Variants in NBPF8 observed in about 807,000 individuals in gnomAD.
The protein encoded by NBPF8 is NBPF family member NBPF8.
chr1:120,433,000 C>G (rs1423842949), upstream of NBPF8: 2 of 152,146 alleles, frequency 1.3e-5, no homozygotes, highest in African/African-American at 2.4e-5. Flanking sequence ...CAGCCAGAAT[C>G]ATTACATGCT....
At chr1:120,469,580 G>C (rs1275417062), downstream of NBPF8, among the ~76,000 whole-genome samples, 188 of 152,108 alleles carry the variant, frequency 1.2e-3, 4 homozygotes, top group African/African-American at 4.3e-3. Context: ...TGTTCTCTTA[G>C]TACTGTTGAG....
At chr1:120,467,700 G>A (rs1196511512) in exon 25 of NBPF8, 2 of 151,348 alleles carry the variant, frequency 1.3e-5, no homozygotes, top group Non-Finnish European at 2.9e-5. Context: ...TTTGTCCAAA[G>A]TTAATTTTAA....
At chr1:120,425,449 G>C (rs1660696499) in intron 1 of NBPF8, among the ~76,000 whole-genome samples, 4 of 151,998 alleles carry the variant, frequency 2.6e-5, no homozygotes, top group Admixed American at 2.0e-4. Context: ...ATGATGCAGA[G>C]ACATTTGTTA....
At chr1:120,415,272 C>T (rs1347002913), upstream of NBPF8, among the ~76,000 whole-genome samples, 4 of 152,012 alleles carry the variant, frequency 2.6e-5, no homozygotes, top group African/African-American at 7.3e-5. Context: ...CCAGCGTTTC[C>T]GAGGTGAAGG....
chr1:120,468,652 A>G (rs1661816959), downstream of NBPF8, among the ~76,000 whole-genome samples: 1 of 144,896 alleles, frequency 6.9e-6, no homozygotes, highest in Non-Finnish European at 1.5e-5. Flanking sequence ...ATCTCCCAGT[A>G]ATTCTGCATT....
At chr1:120,451,789 A>ATT (rs1661281180) in intron 12 of NBPF8, among the ~76,000 whole-genome samples, 2 of 148,054 alleles carry the variant, frequency 1.4e-5, no homozygotes, top group Non-Finnish European at 3.0e-5. Context: ...CACTATGTGT[A>ATT]TTTTCACATG....
rs1177136195 is a variant in NBPF8, at chr1:120,465,877, T to C, written n.3569-101T>C. 5.6e-6 allele frequency: 9 copies of C among 1,610,830 alleles called. No individual in the cohort carries two copies. The African/African-American group carries it at 9.4e-5, about 17-fold the overall frequency. On this transcript the variant is annotated intron_variant and non_coding_transcript_variant, in intron 24 of 24. Transcript: ENST00000583271. ...TACCTCATTAATGGATCTGTCCTTT[T>C]TCTTTTCTAACCACTTCCTTATGTT...
intron 1 of NBPF8, among the ~76,000 whole-genome samples, chr1:120,425,603 C>G (rs1166161652): frequency 3.3e-5 from 5 of 152,264 alleles, no homozygotes; most frequent in Admixed American, 2.6e-4. Flanking sequence ...TGCTGAACGC[C>G]GGTCCCCTGG....
upstream of NBPF8, among the ~76,000 whole-genome samples, chr1:120,434,448 G>T (rs1311559293): frequency 7.0e-6 from 1 of 143,778 alleles, no homozygotes; most frequent in Non-Finnish European, 1.5e-5. Context: ...ATGTTGGTTT[G>T]CTGCACCCAT....
At chr1:120,420,396 A>C in intron 1 of NBPF8, among the ~76,000 whole-genome samples, 1 of 130,984 alleles carries the variant, frequency 7.6e-6, no homozygotes, top group Non-Finnish European at 1.6e-5. Flanking sequence ...TCTACATCCC[A>C]CTCCTTGCTC....
chr1:120,431,291 C>A (rs1181081013), intron 3 of NBPF8, among the ~76,000 whole-genome samples: 3 of 110,760 alleles, frequency 2.7e-5, no homozygotes, highest in African/African-American at 7.6e-5. Flanking sequence ...GTATATTCAC[C>A]GTTTTGAAGA....
At chr1:120,467,777 TA>T (rs1457915796), downstream of NBPF8, 1 of 152,222 alleles carries the variant, frequency 6.6e-6, no homozygotes, top group Non-Finnish European at 1.5e-5. Context: ...TTCAGTGTTA[TA>T]ATATTTGATT....
intron 17 of NBPF8, 49 bp from the exon 16 acceptor site, chr1:120,460,524 C>A: frequency 1.9e-6 from 2 of 1,047,786 alleles, no homozygotes; most frequent in Non-Finnish European, 3.0e-6. Flanking sequence ...TTTCTGTGTG[C>A]AAGGAAGAAC....
At chr1:120,415,152 G>A (rs1660394290), upstream of NBPF8, among the ~76,000 whole-genome samples, 2 of 152,176 alleles carry the variant, frequency 1.3e-5, no homozygotes, top group Non-Finnish European at 2.9e-5. Flanking sequence ...CTGAGTGAAC[G>A]CGGTGCTTTT....
chr1:120,460,029 C>T (rs1482287428), intron 17 of NBPF8, among the ~76,000 whole-genome samples: 3 of 152,074 alleles, frequency 2.0e-5, no homozygotes, highest in Non-Finnish European at 2.9e-5. Context: ...CTTCTAAGTT[C>T]GCTTGCTTTA....
At chr1:120,434,931 A>T (rs1661032794), upstream of NBPF8, among the ~76,000 whole-genome samples, 1 of 83,550 alleles carries the variant, frequency 1.2e-5, no homozygotes, top group Non-Finnish European at 2.3e-5. Flanking sequence ...TTGTTGTTTA[A>T]CAACTTAAAC....
exon 25 of NBPF8, chr1:120,466,055 C>G: frequency 6.2e-7 from 1 of 1,612,010 alleles, no homozygotes; most frequent in South Asian, 1.1e-5. Context: ...TCGACTCCAT[C>G]AATGTACTGT....
chr1:120,451,834 A>G (rs1661283196), intron 12 of NBPF8, among the ~76,000 whole-genome samples: 1 of 150,552 alleles, frequency 6.6e-6, no homozygotes, highest in African/African-American at 2.5e-5. Context: ...AACTGAAAGG[A>G]TGTCTTTTTG....
At chr1:120,451,863 A>G (rs1661284140) in intron 12 of NBPF8, among the ~76,000 whole-genome samples, 1 of 151,262 alleles carries the variant, frequency 6.6e-6, no homozygotes, top group Non-Finnish European at 1.5e-5. Context: ...TTAGGAAGAC[A>G]CCTACTTTTG....
Sources: allele counts gnomAD v4.1 joint callset (sites outside exome capture counted in the v4.1 genomes callset), GRCh38; gene constraint gnomAD v4.1.1; transcripts MANE v1.5; gene names NCBI Gene and HGNC (gene_info 2026-07-23, HGNC 2026-07-21).